The following ADARB2 variants were observed in gnomAD, a reference collection of about 807,000 sequenced individuals.
ADARB2 encodes the protein adenosine deaminase RNA specific B2 (inactive).
Under a neutral mutation model 62.2 loss-of-function variants are expected in ADARB2, and 25 were observed. That is an observed-to-expected ratio of 0.40 (90% CI 0.29 to 0.56). The LOEUF is 0.56. Among genes scored for constraint, ADARB2 ranks in the 20% least tolerant of loss-of-function variants. ADARB2 has a pLI of 0.43. For synonymous variants in ADARB2, 572 were observed against 500.8 expected (o/e 1.14, Z -1.90); for missense variants, 1,071 against 1,077.4 (o/e 0.99, Z 0.08).
chr10:1,584,974 C>T (rs979266048), intron 1 of ADARB2, among the ~76,000 whole-genome samples: 3 of 152,052 alleles, frequency 2.0e-5, no homozygotes, highest in African/African-American at 7.2e-5. Context: ...AAGTGGAGTA[C>T]ATGGGATTTG....
intron 3 of ADARB2, among the ~76,000 whole-genome samples, chr10:1,323,257 A>G (rs1354817087): frequency 1.3e-5 from 2 of 151,240 alleles, no homozygotes; most frequent in Admixed American, 6.6e-5. Context: ...TTGTAAAAAA[A>G]AAAAAAAAAA....
intron 1 of ADARB2, among the ~76,000 whole-genome samples, chr10:1,590,535 A>G (rs906190717): frequency 2.6e-5 from 4 of 152,194 alleles, no homozygotes; most frequent in African/African-American, 9.7e-5. Flanking sequence ...CTGGTTCCTC[A>G]TGGAGGCAGC....
chr10:1,232,187 CGCACACATA>C (rs1830810647), intron 6 of ADARB2, among the ~76,000 whole-genome samples: 1 of 151,806 alleles, frequency 6.6e-6, no homozygotes, highest in South Asian at 2.1e-4. Context: ...GCACACACAC[CGCACACATA>C]GCACACACAC....
intron 4 of ADARB2, among the ~76,000 whole-genome samples, chr10:1,266,208 G>A (rs1564240758): frequency 6.6e-6 from 1 of 152,228 alleles, no homozygotes; most frequent in Non-Finnish European, 1.5e-5. Context: ...GTGAGAATGA[G>A]AACAAAGCTT....
chr10:1,291,895 A>G (rs1224042543), intron 3 of ADARB2: 2 of 152,564 alleles, frequency 1.3e-5, no homozygotes, highest in African/African-American at 4.8e-5. Flanking sequence ...CTGGCTGGGC[A>G]GAGGCTTCAT....
At chr10:1,419,443 A>T (rs1248714254) in intron 1 of ADARB2, among the ~76,000 whole-genome samples, 1 of 152,172 alleles carries the variant, frequency 6.6e-6, no homozygotes, top group Non-Finnish European at 1.5e-5. Context: ...CAAACACTTT[A>T]AAAAAATCCA....
rs1287938909 is a variant in ADARB2 at position 1,292,951 on chromosome 10, G to A, written c.1078-21882C>T. 3 of 12,512 alleles carry A rather than the reference G, an allele frequency of 2.4e-4. 1 individual carries two copies. The highest frequency in any genetic ancestry group is 5.9e-4 in the African/African-American group (3 of 5,058). The allele number at this position is 12,512 out of a possible 1,614,324, so 0.8% of individuals were successfully genotyped here. A position where few individuals can be genotyped will look rare whatever the true frequency, so the allele number is the denominator to read the frequency against. ...ACATAACATCCTTCCATGGAGAGAG[G>A]GAAGGAGAGAGAGGGAGAGGGAGGG... On this transcript the variant is annotated intron_variant, in intron 3 of 9. Transcript: ENST00000381312.
At chr10:1,705,555 G>A (rs10508215) in intron 1 of ADARB2, among the ~76,000 whole-genome samples, 33,085 of 152,156 alleles carry the variant, frequency 0.22, 3,716 homozygotes, top group Admixed American at 0.29. Flanking sequence ...AGAATGCAAT[G>A]GAGATTGTTT....
rs1564221200 is a variant in ADARB2, at chr10:1,209,414, A to ATGCCT, written c.1682+7536_1682+7537insAGGCA. On this transcript the variant is annotated intron_variant, in intron 7 of 9. Transcript: ENST00000381312. ...CCACACCCACACTATCACCTACAGC[A>ATGCCT]ACACCGTCACCCATGCCCACACCTA... Among the ~76,000 whole-genome samples the ATGCCT allele has an allele frequency of 9.0e-3, 465 of 51,552 alleles. 57 individuals are homozygous for ATGCCT. Among genetic ancestry groups the ATGCCT allele is most frequent in the African/African-American group, 0.042 (438 of 10,532 alleles). The allele number at this position is 51,552 out of a possible 152,430, so 33.8% of individuals were successfully genotyped here.
chr10:1,201,834 C>T (rs563265073), intron 7 of ADARB2, among the ~76,000 whole-genome samples: 19 of 106,962 alleles, frequency 1.8e-4, no homozygotes, highest in African/African-American at 5.7e-4. Context: ...GGTGGGAGGA[C>T]ACACAGCGCC....
chr10:1,393,484 C>T (rs1421646773), intron 1 of ADARB2, among the ~76,000 whole-genome samples: 5 of 152,116 alleles, frequency 3.3e-5, no homozygotes, highest in African/African-American at 4.8e-5. Context: ...TTTGTGGGTA[C>T]GCATTAGCCA....
chr10:1,737,113 C>T lies in ADARB2; in HGVS notation c.38G>A (p.Gly13Glu), dbSNP rs1040758329. 19 of 1,610,760 alleles carry T rather than the reference C, an allele frequency of 1.2e-5. No individual in the cohort carries two copies. The highest frequency in any genetic ancestry group is 1.5e-5 in the Non-Finnish European group (18 of 1,179,924). The change falls in exon 1 of 10, where the codon GGG (glycine) becomes GAG (glutamate). Residue 13 changes from glycine (G) to glutamate (E), a missense_variant. Coordinates refer to ENST00000381312, the MANE Select transcript of ADARB2 (RefSeq NM_018702.4). ...SVLGSGRGSG[G>E]LSSQLKCKSK... ...CTTGCATTTGAGTTGACTGCTCAGC[C>T]CTCCAGACCCTCTGCCGCTCCCCAG...
chr10:1,272,851 A>G (rs1037110466), intron 3 of ADARB2, among the ~76,000 whole-genome samples: 7 of 152,182 alleles, frequency 4.6e-5, no homozygotes, highest in Non-Finnish European at 8.8e-5. Flanking sequence ...AACAACAGGG[A>G]TTCATCCCCC....
chr10:1,513,632 G>A (rs1831966560), intron 1 of ADARB2, among the ~76,000 whole-genome samples: 1 of 152,194 alleles, frequency 6.6e-6, no homozygotes, highest in Admixed American at 6.5e-5. Context: ...GCAGCCCTGA[G>A]GAGAGGGGCA....
At chr10:1,190,624 C>G (rs1224407426) in intron 8 of ADARB2, among the ~76,000 whole-genome samples, 2 of 152,194 alleles carry the variant, frequency 1.3e-5, no homozygotes, top group Non-Finnish European at 2.9e-5. Flanking sequence ...TTGACTCTCC[C>G]AGCCTCTGCT....
intron 1 of ADARB2, among the ~76,000 whole-genome samples, chr10:1,594,595 G>A (rs890316971): frequency 6.6e-6 from 1 of 152,190 alleles, no homozygotes; most frequent in African/African-American, 2.4e-5. Context: ...CTCCAGCACA[G>A]GGCCTCAGAC....
chr10:1,386,490 T>C (rs1012108710), intron 1 of ADARB2, among the ~76,000 whole-genome samples: 3 of 151,924 alleles, frequency 2.0e-5, no homozygotes, highest in African/African-American at 7.2e-5. Flanking sequence ...ATCATGTAAA[T>C]GCTTATTTTA....
intron 3 of ADARB2, among the ~76,000 whole-genome samples, chr10:1,360,413 G>A (rs1365925677): frequency 6.6e-6 from 1 of 152,238 alleles, no homozygotes; most frequent in Non-Finnish European, 1.5e-5. Flanking sequence ...AGTGGGACCA[G>A]GGGTCTGCGT....
intron 1 of ADARB2, among the ~76,000 whole-genome samples, chr10:1,566,609 A>T (rs1554772291): frequency 6.6e-6 from 1 of 152,250 alleles, no homozygotes; most frequent in Non-Finnish European, 1.5e-5. Context: ...CTAATAGCAG[A>T]TGGCAGATTC....
Sources: gnomAD v4.1 joint callset for allele counts (sites outside exome capture counted in the v4.1 genomes callset) on GRCh38, gnomAD v4.1.1 for gene constraint, MANE v1.5 for transcripts, NCBI Gene and HGNC (gene_info 2026-07-23, HGNC 2026-07-21) for gene names.